The following IL1RAPL1 variants were observed in gnomAD, a reference collection of about 807,000 sequenced individuals.
IL1RAPL1 encodes interleukin-1 receptor accessory protein-like 1.
In IL1RAPL1, 3 loss-of-function variants were observed where a neutral mutation model predicts 48.4. The observed-to-expected ratio is 0.06, with a 90% CI of 0.03 to 0.16. The LOEUF (loss-of-function observed/expected upper bound fraction) is 0.16. Ranked by LOEUF, IL1RAPL1 falls within the 10% of genes least tolerant of loss-of-function variation. The pLI is 1.00. For missense variants in IL1RAPL1, 349 were observed against 530.6 expected (o/e 0.66, Z 3.36); for synonymous variants, 185 against 187.7 (o/e 0.99, Z 0.12).
rs1936320017 is a variant in IL1RAPL1 at position 28,772,432 on chromosome X, CTTAAATCCTGTTAAACTAGTGTCA to C, written c.-24-16887_-24-16864del. Among the ~76,000 whole-genome samples, 10 of 111,443 alleles carry C rather than the reference CTTAAATCCTGTTAAACTAGTGTCA, an allele frequency of 9.0e-5. No homozygotes were observed. In the South Asian group the frequency reaches 3.8e-3, roughly 42 times the overall value. On this transcript the variant is annotated intron_variant, in intron 1 of 10. Coordinates refer to ENST00000378993, the MANE Select transcript of IL1RAPL1 (RefSeq NM_014271.4). ...TTGTGCCTATTTTTCCAGGAACAAG[CTTAAATCCTGTTAAACTAGTGTCA>C]AGCCCATAGTTTGCATTGAAGTTAA...
chrX:28,673,588 T>A (rs1157901192), intron 1 of IL1RAPL1, among the ~76,000 whole-genome samples: 1 of 111,849 alleles, frequency 8.9e-6, no homozygotes, highest in African/African-American at 3.3e-5. Flanking sequence ...TTGAAGGGCA[T>A]TTCCCTGGCC....
At chrX:28,704,295 A>C (rs1935337456) in intron 1 of IL1RAPL1, among the ~76,000 whole-genome samples, 2 of 109,443 alleles carry the variant, frequency 1.8e-5, no homozygotes, top group Admixed American at 2.0e-4. Flanking sequence ...CTCCAACCTT[A>C]GGGAATCATA....
At chrX:28,719,629 A>G (rs985680912) in intron 1 of IL1RAPL1, among the ~76,000 whole-genome samples, 1 of 111,247 alleles carries the variant, frequency 9.0e-6, no homozygotes, top group Non-Finnish European at 1.9e-5. Flanking sequence ...GCCCATTTAT[A>G]CTGTTCATTA....
At chrX:29,936,012 C>T (rs1051562989) in intron 8 of IL1RAPL1, among the ~76,000 whole-genome samples, 1 of 111,248 alleles carries the variant, frequency 9.0e-6, no homozygotes, top group Non-Finnish European at 1.9e-5. Context: ...AAGATCAAAA[C>T]TGTTATTCTT....
At chrX:29,104,855 A>G (rs924844991) in intron 2 of IL1RAPL1, among the ~76,000 whole-genome samples, 4 of 112,027 alleles carry the variant, frequency 3.6e-5, no homozygotes, top group Non-Finnish European at 7.5e-5. Context: ...CTGCCCCGCT[A>G]TCTTTTAATT....
chrX:28,628,949 CT>C (rs1481688571), intron 1 of IL1RAPL1, among the ~76,000 whole-genome samples: 4 of 111,962 alleles, frequency 3.6e-5, no homozygotes, highest in African/African-American at 1.3e-4. Context: ...CTCATTAAAA[CT>C]TTTTTAGGGC....
At chrX:29,144,814 C>T (rs1028766609) in intron 2 of IL1RAPL1, among the ~76,000 whole-genome samples, 1 of 105,455 alleles carries the variant, frequency 9.5e-6, no homozygotes, top group East Asian at 3.0e-4. Flanking sequence ...TCAACCTCCG[C>T]CTCCCGGGTT....
At chrX:28,983,065 A>G (rs747390238) in intron 2 of IL1RAPL1, 1 of 112,339 alleles carries the variant, frequency 8.9e-6, no homozygotes, top group African/African-American at 3.2e-5. Context: ...TGTTTTAACT[A>G]TATTAAATAA....
rs767694623 is a variant in IL1RAPL1, at chrX:29,610,220, A to G, written c.704-58210A>G. Among the ~76,000 whole-genome samples the G allele has an allele frequency of 4.5e-5, 5 of 111,925 alleles. No individual in the cohort carries two copies. The South Asian group carries it at 1.9e-3, about 42-fold the overall frequency. On this transcript the variant is annotated intron_variant, in intron 5 of 10. Transcript: ENST00000378993. ...CTGTGTTTAATATATTCAGAGCCTG[A>G]CAATGAGAGAGAATAACTTAGAAAG...
At chrX:29,425,514 T>A (rs1934339954) in intron 5 of IL1RAPL1, among the ~76,000 whole-genome samples, 1 of 111,736 alleles carries the variant, frequency 8.9e-6, no homozygotes, top group Non-Finnish European at 1.9e-5. Context: ...TCAATGAGAC[T>A]ATCACAGGTC....
At chrX:29,865,275 G>T (rs1931666462) in intron 6 of IL1RAPL1, among the ~76,000 whole-genome samples, 1 of 111,912 alleles carries the variant, frequency 8.9e-6, no homozygotes, top group South Asian at 3.8e-4. Context: ...ATGACTTCAT[G>T]TTTATGTTCT....
intron 1 of IL1RAPL1, among the ~76,000 whole-genome samples, chrX:28,780,073 G>A (rs1936404436): frequency 9.1e-6 from 1 of 110,455 alleles, no homozygotes; most frequent in Non-Finnish European, 1.9e-5. Flanking sequence ...GATAAGAATT[G>A]TTTGCATTGC....
intron 5 of IL1RAPL1, among the ~76,000 whole-genome samples, chrX:29,647,089 C>G (rs938587204): frequency 1.8e-5 from 2 of 112,442 alleles, no homozygotes; most frequent in African/African-American, 6.5e-5. Context: ...GTGGCTCACA[C>G]CTGTAATCCC....
chrX:28,848,750 C>T (rs1267522440), intron 2 of IL1RAPL1, among the ~76,000 whole-genome samples: 1 of 111,460 alleles, frequency 9.0e-6, no homozygotes, highest in Non-Finnish European at 1.9e-5. Flanking sequence ...GATATTCCAA[C>T]ACAATCTGGA....
intron 6 of IL1RAPL1, among the ~76,000 whole-genome samples, chrX:29,896,877 T>A (rs1333923992): frequency 2.7e-5 from 3 of 112,533 alleles, no homozygotes; most frequent in African/African-American, 9.7e-5. Flanking sequence ...CATACACACA[T>A]ACTGCAAAAT....
chrX:28,858,362 C>A (rs1921855826), intron 2 of IL1RAPL1, among the ~76,000 whole-genome samples: 1 of 111,876 alleles, frequency 8.9e-6, no homozygotes, highest in Non-Finnish European at 1.9e-5. Flanking sequence ...TGGGTAAAAT[C>A]TTATCAAACA....
At chrX:28,883,916 G>GTTTT (rs1464984461) in intron 2 of IL1RAPL1, among the ~76,000 whole-genome samples, 2 of 111,076 alleles carry the variant, frequency 1.8e-5, no homozygotes, top group South Asian at 3.7e-4. Context: ...TTTGTTCTTT[G>GTTTT]TTTTTTTGTT....
chrX:29,021,293 A>G (rs1009675684), intron 2 of IL1RAPL1, among the ~76,000 whole-genome samples: 1 of 108,799 alleles, frequency 9.2e-6, no homozygotes, highest in South Asian at 4.1e-4. Context: ...CTTTCTCCAC[A>G]TTCCATCTTA....
At chrX:28,746,806 A>G (rs1935983909) in intron 1 of IL1RAPL1, among the ~76,000 whole-genome samples, 1 of 111,813 alleles carries the variant, frequency 8.9e-6, no homozygotes, top group Non-Finnish European at 1.9e-5. Context: ...TCTGCTATCA[A>G]ATATCAGTAT....
Sources: allele counts gnomAD v4.1 joint callset (sites outside exome capture counted in the v4.1 genomes callset), GRCh38; gene constraint gnomAD v4.1.1; transcripts MANE v1.5; gene names NCBI Gene and HGNC (gene_info 2026-07-23, HGNC 2026-07-21).